CDK13: variants seen among roughly 807,000 people sequenced by gnomAD.
CDK13 encodes the protein cyclin dependent kinase 13.
In CDK13, 40 loss-of-function variants were observed where a neutral mutation model predicts 137.6. The ratio of observed to expected loss-of-function variants is 0.29; its 90% confidence interval spans 0.23 to 0.38. CDK13 has a LOEUF of 0.38. CDK13 is among the 10% of genes least tolerant of loss of function. The probability of loss-of-function intolerance (pLI) is 1.00; values close to 1 mark genes in which losing one functional copy is unlikely to be tolerated. For missense variants in CDK13, 1,704 were observed against 1,951.8 expected (o/e 0.87, Z 2.39); for synonymous variants, 869 against 760.1 (o/e 1.14, Z -2.36).
chr7:40,024,910 C>T (rs1474550720), intron 5 of CDK13, among the ~76,000 whole-genome samples: 4 of 151,978 alleles, frequency 2.6e-5, no homozygotes, highest in Admixed American at 1.3e-4. Flanking sequence ...GTGATTCGCC[C>T]GCCTTGGCCT....
chr7:39,965,176 C>G (rs1339936347), intron 1 of CDK13, among the ~76,000 whole-genome samples: 1 of 152,062 alleles, frequency 6.6e-6, no homozygotes, highest in African/African-American at 2.4e-5. Flanking sequence ...TCCTGGATAT[C>G]CTTGTTAACT....
At chr7:40,092,087 A>G (rs1451540936) in intron 12 of CDK13, among the ~76,000 whole-genome samples, 1 of 150,438 alleles carries the variant, frequency 6.6e-6, no homozygotes, top group Non-Finnish European at 1.5e-5. Context: ...TTCTGTAGGC[A>G]TTCCTAACTT....
intron 1 of CDK13, among the ~76,000 whole-genome samples, chr7:39,961,534 A>G (rs767187199): frequency 9.2e-5 from 14 of 152,120 alleles, no homozygotes; most frequent in Non-Finnish European, 1.5e-4. Context: ...GGTAACCACC[A>G]TTCTACTCCC....
intron 4 of CDK13, 26 bp downstream of exon 4, chr7:39,999,526 T>C (rs971025629): frequency 3.8e-6 from 6 of 1,577,990 alleles, no homozygotes; most frequent in Admixed American, 1.8e-5. Context: ...TCTGGGGATC[T>C]TTGGGCCTAC....
chr7:39,998,626 A>G (rs1480431582), intron 3 of CDK13: 1 of 151,990 alleles, frequency 6.6e-6, no homozygotes, highest in African/African-American at 2.4e-5. Context: ...GTTTCAAAAA[A>G]ATAAGATAAA....
At chr7:40,083,748 T>C (rs1284848429) in intron 11 of CDK13, among the ~76,000 whole-genome samples, 1 of 152,276 alleles carries the variant, frequency 6.6e-6, no homozygotes, top group East Asian at 1.9e-4. Context: ...TCAAGGAACA[T>C]TCTGTAAGCT....
chr7:40,013,457 C>T (rs80047486), intron 5 of CDK13, among the ~76,000 whole-genome samples: 1 of 152,144 alleles, frequency 6.6e-6, no homozygotes, highest in African/African-American at 2.4e-5. Context: ...GTAATACATG[C>T]TACTATTTGG....
intron 9 of CDK13, chr7:40,067,684 C>A (rs751650234): frequency 1.3e-5 from 2 of 152,270 alleles, no homozygotes; most frequent in Non-Finnish European, 2.9e-5. Flanking sequence ...AACGGTGGCT[C>A]ATGCCTGTAA....
intron 12 of CDK13, among the ~76,000 whole-genome samples, chr7:40,089,963 G>A (rs1786885196): frequency 6.6e-6 from 1 of 152,076 alleles, no homozygotes; most frequent in Non-Finnish European, 1.5e-5. Flanking sequence ...ACTTGACCTT[G>A]GTTCAACTGC....
At chr7:40,060,069 AT>A (rs1467890919) in intron 7 of CDK13, among the ~76,000 whole-genome samples, 10 of 152,202 alleles carry the variant, frequency 6.6e-5, no homozygotes, top group African/African-American at 1.9e-4. Flanking sequence ...GTCTGAATTA[AT>A]AAAACATTAT....
intron 1 of CDK13, among the ~76,000 whole-genome samples, chr7:39,965,828 C>G (rs2116159662): frequency 6.6e-6 from 1 of 152,270 alleles, no homozygotes; most frequent in East Asian, 1.9e-4. Flanking sequence ...GACAAAATCT[C>G]TCAGCATTTG....
chr7:40,064,034 C>T (rs545539183), intron 9 of CDK13, among the ~76,000 whole-genome samples: 1 of 152,032 alleles, frequency 6.6e-6, no homozygotes, highest in Admixed American at 6.6e-5. Flanking sequence ...CCCGTAATCC[C>T]AGCACTTTGG....
intron 1 of CDK13, among the ~76,000 whole-genome samples, chr7:39,953,690 C>T (rs1252702825): frequency 2.6e-5 from 4 of 152,104 alleles, no homozygotes; most frequent in East Asian, 3.8e-4. Flanking sequence ...TCTGGAGGAC[C>T]GTTCAACACA....
At chr7:40,050,997 AT>A (rs1224075642) in intron 7 of CDK13, among the ~76,000 whole-genome samples, 2 of 152,160 alleles carry the variant, frequency 1.3e-5, no homozygotes, top group Non-Finnish European at 2.9e-5. Context: ...ATTGATTTTC[AT>A]TTTAAAATAT....
At chr7:40,033,577 TGTAA>T (rs1296480173) in intron 5 of CDK13, among the ~76,000 whole-genome samples, 9 of 152,192 alleles carry the variant, frequency 5.9e-5, no homozygotes, top group African/African-American at 2.2e-4. Flanking sequence ...TTGCTGTACC[TGTAA>T]GTATCAGAGG....
rs150637197 is a variant in CDK13 at position 40,092,989 on chromosome 7, C to T, written c.3440C>T (p.Thr1147Ile). 6 of 1,614,216 alleles carry T rather than the reference C, an allele frequency of 3.7e-6. No individual in the cohort carries two copies. The highest frequency in any genetic ancestry group is 5.1e-6 in the Non-Finnish European group (6 of 1,180,042). Residue 1147 changes from threonine to isoleucine, a missense_variant, in exon 13 of 14, where the codon ACA becomes ATA. Transcript: ENST00000181839. The part of the protein sequence containing the change: ...ATGEKQTDPS[T>I]PQQESSKPLG... Reference sequence around the variant, plus strand: ...GGTGAAAAACAGACAGATCCATCAACACCACAACAGGAGTCTTCGAAACCG... The same window carrying T: ...GGTGAAAAACAGACAGATCCATCAATACCACAACAGGAGTCTTCGAAACCG...
rs762323988 is a variant in CDK13, at chr7:40,002,048, A to G, written c.2353+17A>G. ...AGGACAAAGGTATGTGTGCATATTT[A>G]AATAACGAATTTTTTGTATTCATGA... On this transcript the variant is annotated intron_variant, in intron 5 of 13. Transcript: ENST00000181839. 7 of 1,546,252 alleles carry G rather than the reference A, an allele frequency of 4.5e-6. No individual in the cohort carries two copies. In the South Asian group the frequency reaches 7.5e-5, roughly 17 times the overall value.
chr7:40,015,327 A>T (rs762249257), intron 5 of CDK13, among the ~76,000 whole-genome samples: 1 of 152,162 alleles, frequency 6.6e-6, no homozygotes, highest in Non-Finnish European at 1.5e-5. Context: ...TACATTTCCC[A>T]TGTCACTATT....
intron 7 of CDK13, among the ~76,000 whole-genome samples, chr7:40,058,236 A>T (rs1462868016): frequency 6.6e-6 from 1 of 152,182 alleles, no homozygotes; most frequent in Non-Finnish European, 1.5e-5. Context: ...AAGGTTGCCC[A>T]GTGTAATAGG....
Sources: allele counts gnomAD v4.1 joint callset (sites outside exome capture counted in the v4.1 genomes callset), GRCh38; gene constraint gnomAD v4.1.1; transcripts MANE v1.5; gene names NCBI Gene and HGNC (gene_info 2026-07-23, HGNC 2026-07-21).